CRACR2A: variants seen among roughly 807,000 people sequenced by gnomAD.
CRACR2A encodes the protein EF-hand calcium-binding domain-containing protein 4B.
A neutral mutation model predicts 90.5 loss-of-function variants in CRACR2A; 79 were observed. That is an observed-to-expected ratio of 0.87 (90% CI 0.73 to 1.05). The LOEUF is 1.05. Ranked by LOEUF, CRACR2A falls within the 50% of genes least tolerant of loss-of-function variation. The pLI is 0.00. For synonymous variants in CRACR2A, 338 were observed against 356.7 expected, an observed-to-expected ratio of 0.95 and a Z score of 0.59; for missense variants, 823 against 897.2, an observed-to-expected ratio of 0.92 and a Z score of 1.06.
rs58408080 is a variant in CRACR2A at position 3,626,226 on chromosome 12, C to CAGAG, written c.1932+1206_1932+1209dup. Reference sequence around the variant, plus strand: ...CGGGTGACCCAGACATGCAAAACTACAGAGAAACAGATTTGGGTGAAAGGG... The same window carrying CAGAG: ...CGGGTGACCCAGACATGCAAAACTACAGAGAGAGAAACAGATTTGGGTGAAAGGG... On this transcript the variant is annotated intron_variant, in intron 17 of 19. Transcript: ENST00000440314. 9.2e-3 allele frequency among the ~76,000 whole-genome samples: 1,403 copies of CAGAG among 152,246 alleles called. 20 individuals are homozygous for CAGAG. The highest frequency in any genetic ancestry group is 0.032 in the African/African-American group (1,335 of 41,542).
chr12:3,633,846 A>T lies in CRACR2A; in HGVS notation c.1603-110T>A. On this transcript the variant is annotated intron_variant, in intron 14 of 19. Transcript: ENST00000440314. The surrounding 1 kb of genome is among the most constrained non-coding windows in gnomAD (Gnocchi z 4.5). ...CTACAGTGGCCCTCAGGAGGTGCAG[A>T]CCGGCCTCTAGACCTGCACCAGGAG... 1.4e-6 allele frequency: 2 copies of T among 1,441,520 alleles called. No individual in the cohort carries two copies. Among genetic ancestry groups the T allele is most frequent in the Non-Finnish European group, 1.9e-6 (2 of 1,069,744 alleles). 89.3% of individuals were successfully genotyped at this position (1,441,520 alleles called of 1,614,324 possible). A position where few individuals can be genotyped will look rare whatever the true frequency, so the allele number is the denominator to read the frequency against.
At chr12:3,693,938 G>T (rs11062763) in intron 4 of CRACR2A, among the ~76,000 whole-genome samples, 1 of 152,166 alleles carries the variant, frequency 6.6e-6, no homozygotes, top group Non-Finnish European at 1.5e-5. Flanking sequence ...CAAATCGAGT[G>T]TCCATGGTGG....
At chr12:3,655,523 A>G (rs1043712645) in intron 9 of CRACR2A, among the ~76,000 whole-genome samples, 2 of 152,244 alleles carry the variant, frequency 1.3e-5, no homozygotes, top group African/African-American at 2.4e-5. Flanking sequence ...TGGTCTGTCC[A>G]GAGCTGGATT....
chr12:3,638,039 G>A, intron 14 of CRACR2A, 85 bp downstream of exon 14: 1 of 1,346,064 alleles, frequency 7.4e-7, no homozygotes, highest in Non-Finnish European at 1.0e-6. Context: ...GACCTCCTGA[G>A]CTGCCTCTCC....
intron 5 of CRACR2A, among the ~76,000 whole-genome samples, chr12:3,679,307 G>A (rs1945401780): frequency 6.6e-6 from 1 of 152,210 alleles, no homozygotes; most frequent in Admixed American, 6.5e-5. Flanking sequence ...CATCAGTGAT[G>A]CTAGAATCTG....
intron 3 of CRACR2A, among the ~76,000 whole-genome samples, chr12:3,708,721 G>A (rs1178022675): frequency 3.3e-5 from 5 of 152,296 alleles, no homozygotes; most frequent in East Asian, 3.9e-4. Flanking sequence ...CATCATGCCC[G>A]GCCAGCATTT....
At chr12:3,693,230 T>C (rs919252591) in intron 4 of CRACR2A, among the ~76,000 whole-genome samples, 2 of 152,196 alleles carry the variant, frequency 1.3e-5, no homozygotes, top group Non-Finnish European at 2.9e-5. Context: ...CCTTACGGGC[T>C]GCCCTACTGG....
chr12:3,704,418 G>C (rs558651637), intron 3 of CRACR2A, among the ~76,000 whole-genome samples: 1 of 152,140 alleles, frequency 6.6e-6, no homozygotes, highest in African/African-American at 2.4e-5. Flanking sequence ...ATTTTGGGGG[G>C]TGTGGATATG....
intron 19 of CRACR2A, among the ~76,000 whole-genome samples, chr12:3,616,077 G>A (rs183394776): frequency 2.0e-5 from 3 of 152,388 alleles, no homozygotes; most frequent in East Asian, 3.9e-4. Context: ...AAAGGAAGGT[G>A]TGATTGATGT....
At chr12:3,644,826 C>T (rs752947905) in intron 11 of CRACR2A, among the ~76,000 whole-genome samples, 186 bp from the exon 12 acceptor site, 1 of 152,186 alleles carries the variant, frequency 6.6e-6, no homozygotes, top group South Asian at 2.1e-4. Context: ...CAGATAGGTA[C>T]ACACAGATGT....
chr12:3,698,372 C>G (rs942792091), intron 3 of CRACR2A, among the ~76,000 whole-genome samples: 1 of 152,150 alleles, frequency 6.6e-6, no homozygotes, highest in Non-Finnish European at 1.5e-5. Context: ...AATCACCAGG[C>G]AGGTTTCTCT....
intron 12 of CRACR2A, among the ~76,000 whole-genome samples, chr12:3,643,804 A>AG (rs1565470800): frequency 2.7e-5 from 3 of 109,140 alleles, no homozygotes; most frequent in African/African-American, 3.8e-5. Context: ...TATAATATAT[A>AG]TTATATATAT....
Position 3,746,235 on chromosome 12 carries a change from T to C in CRACR2A, c.-387+6780A>G, listed in dbSNP as rs1946623427. Among the ~76,000 whole-genome samples, 2 of 152,150 alleles carry C rather than the reference T, an allele frequency of 1.3e-5. No individual in the cohort carries two copies. The highest frequency in any genetic ancestry group is 1.3e-4 in the Admixed American group (2 of 15,270). On this transcript the variant is annotated intron_variant, in intron 1 of 19. Coordinates refer to ENST00000440314, the MANE Select transcript of CRACR2A (RefSeq NM_001144958.2). This position sits in a 1 kb window ranked among gnomAD's most constrained non-coding sequence, Gnocchi z 4.4. ...ACAATTCATATGTTGAAGCCCTAAC[T>C]CTCAATGTGATGGTATTTGGAGGTG...
In CRACR2A at chr12:3,685,006, A is replaced by C. The variant is rs530623886; in HGVS notation, c.229-4657T>G. 5.0e-4 allele frequency among the ~76,000 whole-genome samples: 76 copies of C among 152,370 alleles called. 1 individual carries two copies. The highest frequency in any genetic ancestry group is 1.6e-3 in the African/African-American group (66 of 41,596). ...ATGAAAGCTGCTGCTGAATAAAACC[A>C]TATTCACCTGCCTACGGCCCCCTGA... On this transcript the variant is annotated intron_variant, in intron 4 of 19. Transcript: ENST00000440314.
chr12:3,663,294 G>A (rs1945072815), intron 7 of CRACR2A, among the ~76,000 whole-genome samples: 1 of 151,872 alleles, frequency 6.6e-6, no homozygotes, highest in African/African-American at 2.4e-5. Context: ...AGATTTGGAA[G>A]GTTTGTCTGA....
chr12:3,702,326 T>G (rs1367068634), intron 3 of CRACR2A, among the ~76,000 whole-genome samples: 1 of 152,088 alleles, frequency 6.6e-6, no homozygotes, highest in Non-Finnish European at 1.5e-5. Flanking sequence ...GAAAAAGAAA[T>G]AAAATACATT....
intron 7 of CRACR2A, among the ~76,000 whole-genome samples, chr12:3,664,626 C>T (rs1335571483): frequency 1.3e-5 from 2 of 152,078 alleles, no homozygotes; most frequent in Admixed American, 6.5e-5. Flanking sequence ...AAAATGAGGA[C>T]GACAACCTGT....
chr12:3,685,468 A>G (rs979209256), intron 4 of CRACR2A, among the ~76,000 whole-genome samples: 7 of 152,264 alleles, frequency 4.6e-5, no homozygotes, highest in African/African-American at 1.7e-4. Flanking sequence ...CATATAGCCA[A>G]CAGGCGGAAG....
chr12:3,672,636 A>G (rs1565483942), intron 7 of CRACR2A: 2 of 488,170 alleles, frequency 4.1e-6, no homozygotes, highest in African/African-American at 4.2e-5. Flanking sequence ...AATGTTTGTT[A>G]AAGGACTATG....
Sources: gnomAD v4.1 joint callset for allele counts (sites outside exome capture counted in the v4.1 genomes callset) on GRCh38, gnomAD v4.1.1 for gene constraint, Gnocchi (gnomAD v3.1) non-coding constraint, MANE v1.5 for transcripts, NCBI Gene and HGNC (gene_info 2026-07-23, HGNC 2026-07-21) for gene names.